Variants in ETFA observed in about 807,000 individuals in gnomAD.
ETFA encodes the protein electron transfer flavoprotein subunit alpha, mitochondrial.
Under a neutral mutation model 46.2 loss-of-function variants are expected in ETFA, and 22 were observed. The ratio of observed to expected loss-of-function variants is 0.48; its 90% CI spans 0.34 to 0.68. The LOEUF (loss-of-function observed/expected upper bound fraction) is 0.68, where lower values mean the gene tolerates loss of function less well. ETFA is among the 30% of genes least tolerant of loss of function. The pLI is 0.01. For synonymous variants in ETFA, 131 were observed against 139.9 expected (o/e 0.94, Z 0.45); for missense variants, 345 against 401.1 (o/e 0.86, Z 1.19).
At chr15:76,290,598 A>C (rs2039751507) in intron 4 of ETFA, among the ~76,000 whole-genome samples, 1 of 151,940 alleles carries the variant, frequency 6.6e-6, no homozygotes, top group African/African-American at 2.4e-5. Flanking sequence ...CAATCCTCCC[A>C]AAGTGCTGGG....
At chr15:76,248,889 A>T (rs1450801640) in intron 9 of ETFA, among the ~76,000 whole-genome samples, 11 of 152,020 alleles carry the variant, frequency 7.2e-5, no homozygotes, top group East Asian at 3.9e-4. Context: ...AAAATAAAAA[A>T]AAAAAATTCC....
At chr15:76,287,994 G>T in intron 4 of ETFA, 49 bp from the exon 5 acceptor site, 1 of 1,099,366 alleles carries the variant, frequency 9.1e-7, no homozygotes, top group Non-Finnish European at 1.4e-6. Flanking sequence ...AGTGATGGAA[G>T]ACTATAAATG....
At chr15:76,251,301 T>G (rs2039295355) in intron 9 of ETFA, among the ~76,000 whole-genome samples, 1 of 152,196 alleles carries the variant, frequency 6.6e-6, no homozygotes, top group African/African-American at 2.4e-5. Flanking sequence ...AGGGAGGCCC[T>G]CTTTTTTTAT....
At position 76,261,369 on chromosome 15, in the gene ETFA, CGT is replaced by C. The variant is rs1596205445; in HGVS notation, c.816+13041_816+13042del. 3 of 1,231,462 alleles carry C rather than the reference CGT, an allele frequency of 2.4e-6. No individual in the cohort carries two copies. The East Asian group carries it at 7.3e-5, about 30-fold the overall frequency. 76.3% of individuals were successfully genotyped at this position (1,231,462 alleles called of 1,614,324 possible). A position where few individuals can be genotyped will look rare whatever the true frequency, so the allele number is the denominator to read the frequency against. Reference sequence around the variant, plus strand: ...CATCCACCTTGCACCAGTACTGGCCCGTGTCAGAGCGCTCCACTGACTTCAGG... The same window carrying C: ...CATCCACCTTGCACCAGTACTGGCCCGTCAGAGCGCTCCACTGACTTCAGG... On this transcript the variant is annotated intron_variant, in intron 9 of 11. Coordinates refer to ENST00000557943, the MANE Select transcript of ETFA (RefSeq NM_000126.4).
At chr15:76,249,447 T>C (rs1269216445) in intron 9 of ETFA, among the ~76,000 whole-genome samples, 2 of 142,466 alleles carry the variant, frequency 1.4e-5, no homozygotes, top group Non-Finnish European at 3.1e-5. Flanking sequence ...TTTTTTTTTT[T>C]TTTTTTTTTT....
At chr15:76,281,246 C>T (rs922683328) in intron 8 of ETFA, among the ~76,000 whole-genome samples, 12 of 151,962 alleles carry the variant, frequency 7.9e-5, no homozygotes, top group African/African-American at 2.7e-4. Flanking sequence ...CTCAAGTGAT[C>T]CGCCCGCCTT....
At chr15:76,218,181 A>G (rs916464900) in intron 11 of ETFA, among the ~76,000 whole-genome samples, 3 of 152,254 alleles carry the variant, frequency 2.0e-5, no homozygotes, top group African/African-American at 7.2e-5. Flanking sequence ...TTAAAATTTT[A>G]CCGAATATAT....
At chr15:76,265,454 A>G (rs564070899) in intron 9 of ETFA, among the ~76,000 whole-genome samples, 96 of 152,372 alleles carry the variant, frequency 6.3e-4, no homozygotes, top group African/African-American at 2.3e-3. Flanking sequence ...CAAGTGTCTG[A>G]TAAAAGACCT....
At chr15:76,234,978 C>T (rs561199592) in intron 9 of ETFA, among the ~76,000 whole-genome samples, 2 of 152,140 alleles carry the variant, frequency 1.3e-5, no homozygotes, top group Non-Finnish European at 2.9e-5. Flanking sequence ...GCATCTGATG[C>T]GGTTTAACAG....
chr15:76,249,599 G>A (rs549874874), intron 9 of ETFA, among the ~76,000 whole-genome samples: 34 of 151,728 alleles, frequency 2.2e-4, no homozygotes, highest in African/African-American at 7.5e-4. Flanking sequence ...CCGCCACCAC[G>A]CCCAGCTAAT....
chr15:76,223,943 C>T (rs1363069425), intron 11 of ETFA, among the ~76,000 whole-genome samples: 2 of 152,184 alleles, frequency 1.3e-5, no homozygotes, highest in Non-Finnish European at 2.9e-5. Context: ...TGAAAGCCCC[C>T]ATGTGAGTTT....
intron 1 of ETFA, among the ~76,000 whole-genome samples, chr15:76,308,585 C>T (rs2039959357): frequency 6.6e-6 from 1 of 152,126 alleles, no homozygotes; most frequent in African/African-American, 2.4e-5. Context: ...CTGTACTCTT[C>T]AAATACACCA....
intron 9 of ETFA, among the ~76,000 whole-genome samples, chr15:76,257,268 A>G (rs1303630882): frequency 6.6e-6 from 1 of 152,158 alleles, no homozygotes; most frequent in Non-Finnish European, 1.5e-5. Context: ...GTCCAGTTAG[A>G]GGGGAAGTTG....
intron 9 of ETFA, among the ~76,000 whole-genome samples, chr15:76,266,885 C>T (rs2039475264): frequency 6.8e-6 from 1 of 147,202 alleles, no homozygotes. Context: ...GCCTGGGCGA[C>T]AAAGCGAGAC....
intron 9 of ETFA, among the ~76,000 whole-genome samples, chr15:76,245,407 A>G (rs960142384): frequency 1.3e-5 from 2 of 152,240 alleles, no homozygotes; most frequent in African/African-American, 4.8e-5. Context: ...AGCACTATGA[A>G]AGCAGCTGTC....
chr15:76,300,848 T>C (rs1210204119), intron 1 of ETFA, among the ~76,000 whole-genome samples: 1 of 152,038 alleles, frequency 6.6e-6, no homozygotes, highest in Non-Finnish European at 1.5e-5. Flanking sequence ...TCCCACACAT[T>C]GCTCCCTCTG....
At chr15:76,260,778 G>A in intron 9 of ETFA, 1 of 1,603,920 alleles carries the variant, frequency 6.2e-7, no homozygotes, top group Non-Finnish European at 8.5e-7. Context: ...CACCCAGTCA[G>A]CATAAGGAGA....
At chr15:76,253,890 C>T (rs959070692) in intron 9 of ETFA, among the ~76,000 whole-genome samples, 10 of 152,214 alleles carry the variant, frequency 6.6e-5, no homozygotes, top group African/African-American at 2.4e-4. Context: ...GGCCTCAGGA[C>T]TCTTGGCTTA....
chr15:76,215,524 C>T lies in ETFA; in HGVS notation c.*1035G>A, dbSNP rs753241760. On this transcript the variant is annotated 3_prime_UTR_variant, in exon 12 of 12. Transcript: ENST00000557943. ...GTCTGCTTGATCCAGGTCACTACTCCTACTTCTGCAGATCTGATTCAGGAG... is the reference window on the plus strand; with the variant it reads ...GTCTGCTTGATCCAGGTCACTACTCTTACTTCTGCAGATCTGATTCAGGAG... The T allele has an allele frequency of 6.6e-6, 1 of 152,140 alleles. No individual in the cohort carries two copies. The highest frequency in any genetic ancestry group is 1.5e-5 in the Non-Finnish European group (1 of 68,132). 9.4% of individuals were successfully genotyped at this position (152,140 alleles called of 1,614,324 possible).
Sources: allele counts gnomAD v4.1 joint callset (sites outside exome capture counted in the v4.1 genomes callset), GRCh38; gene constraint gnomAD v4.1.1; transcripts MANE v1.5; gene names NCBI Gene and HGNC (gene_info 2026-07-23, HGNC 2026-07-21).